ZNF106: variants seen among roughly 807,000 people sequenced by gnomAD.
ZNF106 encodes the protein SH3-domain binding protein 3.
A neutral mutation model predicts 195.1 loss-of-function variants in ZNF106; 67 were observed. That is an observed-to-expected ratio of 0.34 (90% confidence interval 0.28 to 0.42). The LOEUF is 0.42. ZNF106 is among the 10% of genes least tolerant of loss of function. ZNF106 has a pLI of 1.00. For synonymous variants in ZNF106, 784 were observed against 818.6 expected, an observed-to-expected ratio of 0.96 and a Z score of 0.72; for missense variants, 2,118 against 2,304.5, an observed-to-expected ratio of 0.92 and a Z score of 1.66.
intron 3 of ZNF106, among the ~76,000 whole-genome samples, chr15:42,462,534 G>A (rs914038100): frequency 6.6e-6 from 1 of 151,604 alleles, no homozygotes; most frequent in African/African-American, 2.4e-5. Context: ...GGAGGCAGAG[G>A]TTGCAGTGAG....
At position 42,472,311 on chromosome 15, in the gene ZNF106, C is replaced by G. The variant is rs546006174; in HGVS notation, c.-22G>C. 3.6e-4 allele frequency: 559 copies of G among 1,534,464 alleles called. 3 individuals are homozygous for G. In the African/African-American group the frequency reaches 6.9e-3, roughly 19 times the overall value. On this transcript the variant is annotated 5_prime_UTR_variant, in exon 2 of 22. Coordinates refer to ENST00000564754, the MANE Select transcript of ZNF106 (RefSeq NM_001366845.3). ...CCATAGTGACCAGATCTGAAGCACT[C>G]AACGTCACAGCTGCAATGAGGAAGT...
rs750733009 is a variant in ZNF106 at position 42,439,798 on chromosome 15, C to T, written c.3779G>A (p.Ser1260Asn). The T allele has an allele frequency of 1.9e-6, 3 of 1,560,930 alleles. No individual in the cohort carries two copies. Among genetic ancestry groups the T allele is most frequent in the South Asian group, 1.2e-5 (1 of 81,860 alleles). Residue 1260 changes from serine (S) to asparagine (N), a missense_variant, in exon 11 of 22, where the codon AGT becomes AAT. By Grantham distance (46) the Ser-to-Asn change is conservative (BLOSUM62 1). Coordinates refer to ENST00000564754, the MANE Select transcript of ZNF106 (RefSeq NM_001366845.3). ...LLEANREISD[S>N]CPVYPVITAR... ...AGTGATGACTGGATAAACTGGACAA[C>T]TGTCACTGATCTCTCCTGAATTGAG... is the stretch of plus-strand genomic sequence containing the variant.
chr15:42,464,513 CACATGCT>C (rs1473317103), intron 3 of ZNF106, among the ~76,000 whole-genome samples: 1 of 148,524 alleles, frequency 6.7e-6, no homozygotes, highest in Non-Finnish European at 1.5e-5. Flanking sequence ...ATGGAATATA[CACATGCT>C]ACTTTTTTTT....
chr15:42,443,996 C>T (rs1284755982), intron 9 of ZNF106, among the ~76,000 whole-genome samples: 1 of 151,364 alleles, frequency 6.6e-6, no homozygotes, highest in Non-Finnish European at 1.5e-5. Context: ...ACCTGTAATT[C>T]CAGCTAATCA....
intron 1 of ZNF106, among the ~76,000 whole-genome samples, chr15:42,481,757 T>G (rs1156917167): frequency 2.6e-5 from 4 of 152,204 alleles, no homozygotes; most frequent in African/African-American, 7.2e-5. Flanking sequence ...GCTTCTGACC[T>G]CCACTGTTTC....
chr15:42,431,359 G>A (rs2055040832), intron 14 of ZNF106, among the ~76,000 whole-genome samples: 1 of 150,088 alleles, frequency 6.7e-6, no homozygotes, highest in East Asian at 2.0e-4. Context: ...ATGTTAATTG[G>A]ATCTTGATCG....
At chr15:42,481,124 T>C (rs1015209550) in intron 1 of ZNF106, among the ~76,000 whole-genome samples, 1 of 152,076 alleles carries the variant, frequency 6.6e-6, no homozygotes. Context: ...AGATGATGCT[T>C]TTTTGTGCTA....
At chr15:42,440,996 AAAATATATATAT>A (rs1248173956) in intron 10 of ZNF106, among the ~76,000 whole-genome samples, 18 of 49,394 alleles carry the variant, frequency 3.6e-4, no homozygotes, top group Admixed American at 1.9e-3. Context: ...AAAAAAAAAA[AAAATATATATAT>A]ATATATATAT....
chr15:42,436,821 G>A (rs2055289633), intron 13 of ZNF106, among the ~76,000 whole-genome samples: 1 of 152,118 alleles, frequency 6.6e-6, no homozygotes, highest in African/African-American at 2.4e-5. Flanking sequence ...CTATGCAAGT[G>A]ACCCCATTAC....
chr15:42,420,008 T>C (rs2054601222), intron 20 of ZNF106, among the ~76,000 whole-genome samples: 1 of 152,188 alleles, frequency 6.6e-6, no homozygotes. Context: ...CTGTCAGTAC[T>C]ACTCCATCCT....
rs1023199929 is a variant in ZNF106 at position 42,437,319 on chromosome 15, G to C, written c.4659C>G (p.His1553Gln). The change falls in exon 13 of 22, where the codon CAC (histidine) becomes CAG (glutamine). Residue 1553 changes from histidine to glutamine, a missense_variant. By Grantham distance (24) the His-to-Gln change is conservative (BLOSUM62 0). Coordinates refer to ENST00000564754, the MANE Select transcript of ZNF106 (RefSeq NM_001366845.3). ...DEPTEGSFEG[H>Q]QAAVNAIQIF... is the part of the protein sequence containing the mutation. ...TCTGAATTGCATTTACGGCAGCTTGGTGTCCCTCAAAGCTTCCTTCTGTGG... is the reference window on the plus strand; with the variant it reads ...TCTGAATTGCATTTACGGCAGCTTGCTGTCCCTCAAAGCTTCCTTCTGTGG... 6.2e-7 allele frequency: 1 copy of C among 1,614,130 alleles called. No individual in the cohort carries two copies. Among genetic ancestry groups the C allele is most frequent in the Non-Finnish European group, 8.5e-7 (1 of 1,180,022 alleles).
intron 4 of ZNF106, among the ~76,000 whole-genome samples, chr15:42,454,458 G>A (rs1011765743): frequency 6.6e-6 from 1 of 151,824 alleles, no homozygotes; most frequent in African/African-American, 2.4e-5. Flanking sequence ...TCACAAAGTA[G>A]AATTCCTAGA....
At chr15:42,460,801 G>A (rs1264562659) in intron 3 of ZNF106, among the ~76,000 whole-genome samples, 3 of 151,358 alleles carry the variant, frequency 2.0e-5, no homozygotes, top group Non-Finnish European at 2.9e-5. Context: ...TGGAGGTTGC[G>A]GTGAGCCGAG....
Position 42,412,954 on chromosome 15 carries a change from T to C in ZNF106, c.*4350A>G, listed in dbSNP as rs778538002. 5 of 152,234 alleles carry C rather than the reference T, an allele frequency of 3.3e-5. No individual in the cohort carries two copies. 9.4% of individuals were successfully genotyped at this position (152,234 alleles called of 1,614,324 possible). A position where few individuals can be genotyped will look rare whatever the true frequency, so the allele number is the denominator to read the frequency against. On this transcript the variant is annotated 3_prime_UTR_variant, in exon 22 of 22. Transcript: ENST00000564754. ...TTATAAACATTTTTGCAGTCAGGTG[T>C]CATCTGATTTCATTCTTCTAATCCA...
At position 42,421,907 on chromosome 15, in the gene ZNF106, T is replaced by C; in HGVS notation, c.5445+10A>G. ...AAAAGCAAATATCTTACATGACAAATAACACTCACCATGCTTTTATGGATG... is the reference window on the plus strand; with the variant it reads ...AAAAGCAAATATCTTACATGACAAACAACACTCACCATGCTTTTATGGATG... On this transcript the variant is annotated intron_variant, in intron 19 of 21. Transcript: ENST00000564754. 1 of 1,535,552 alleles carries C rather than the reference T, an allele frequency of 6.5e-7. No homozygotes were observed. The highest frequency in any genetic ancestry group is 8.8e-7 in the Non-Finnish European group (1 of 1,134,760).
chr15:42,435,400 C>A lies in ZNF106; in HGVS notation c.4865G>T (p.Arg1622Leu). The stretch of plus-strand genomic sequence containing the variant: ...CCCACCTACCTTAACATTATAGCAG[C>A]GGATGGTATGGTCACTGGACCCGGT... ...LYTGSSDHTIRCYNVKSRECV... is the reference protein window; with the variant it reads ...LYTGSSDHTILCYNVKSRECV... The change falls in exon 14 of 22, where the codon CGC becomes CTC. Residue 1622 changes from arginine (R) to leucine (L), a missense_variant. Coordinates refer to ENST00000564754, the MANE Select transcript of ZNF106 (RefSeq NM_001366845.3). 6.2e-7 allele frequency: 1 copy of A among 1,614,124 alleles called. No homozygotes were observed. Among genetic ancestry groups the A allele is most frequent in the Non-Finnish European group, 8.5e-7 (1 of 1,180,040 alleles).
intron 14 of ZNF106, among the ~76,000 whole-genome samples, chr15:42,432,865 A>T (rs943839718): frequency 6.6e-6 from 1 of 152,116 alleles, no homozygotes; most frequent in Non-Finnish European, 1.5e-5. Context: ...AGCCAGGGTG[A>T]CAGGCCAAGA....
At position 42,439,601 on chromosome 15, in the gene ZNF106, C is replaced by G. The variant is rs1306656502; in HGVS notation, c.3976G>C (p.Gly1326Arg). The change falls in exon 11 of 22, where the codon GGG becomes CGG. Residue 1326 changes from glycine (G) to arginine (R), a missense_variant. Physicochemically the swap from Gly to Arg is moderately radical, Grantham distance 125. Coordinates refer to ENST00000564754, the MANE Select transcript of ZNF106 (RefSeq NM_001366845.3). ...AAAGAACTGGTACAGGCTTCAGACC[C>G]ACTATTGCCTTTGGTTGGCTCTTCC... ...EGEEPTKGNS[G>R]SEACTSSFLR... The G allele has an allele frequency of 6.2e-7, 1 of 1,613,986 alleles. No individual in the cohort carries two copies. Among genetic ancestry groups the G allele is most frequent in the Non-Finnish European group, 8.5e-7 (1 of 1,179,960 alleles).
Position 42,428,277 on chromosome 15 carries a change from G to A in ZNF106, c.4882-143C>T, listed in dbSNP as rs115393304. 1,929 of 595,154 alleles carry A rather than the reference G, an allele frequency of 3.2e-3. 37 individuals are homozygous for A. The African/African-American group carries it at 0.033, about 10-fold the overall frequency. 36.9% of individuals were successfully genotyped at this position (595,154 alleles called of 1,614,324 possible). A position where few individuals can be genotyped will look rare whatever the true frequency, so the allele number is the denominator to read the frequency against. Reference sequence around the variant, plus strand: ...CTCTATTTTGTAGGGGACTATCTTAGATCTGTTTCTCCTTTGAAATATGAG... The same window carrying A: ...CTCTATTTTGTAGGGGACTATCTTAAATCTGTTTCTCCTTTGAAATATGAG... On this transcript the variant is annotated intron_variant, in intron 14 of 21. Coordinates refer to ENST00000564754, the MANE Select transcript of ZNF106 (RefSeq NM_001366845.3).
Sources: gnomAD v4.1 joint callset for allele counts (sites outside exome capture counted in the v4.1 genomes callset) on GRCh38, gnomAD v4.1.1 for gene constraint, MANE v1.5 for transcripts, NCBI Gene and HGNC (gene_info 2026-07-23, HGNC 2026-07-21) for gene names.